The following TENM1 variants were observed in gnomAD, a reference collection of about 807,000 sequenced individuals.
TENM1 encodes the protein teneurin transmembrane protein 1.
In TENM1, 35 loss-of-function variants were observed where a neutral mutation model predicts 174.8. The observed-to-expected ratio is 0.20, with a 90% CI of 0.15 to 0.27. The LOEUF is 0.27. Among genes scored for constraint, TENM1 ranks in the 10% least tolerant of loss-of-function variants. The probability of loss-of-function intolerance (pLI) is 1.00; values close to 1 mark genes in which losing one functional copy is unlikely to be tolerated. For missense variants in TENM1, 1,633 were observed against 2,130.1 expected (o/e 0.77, Z 4.59); for synonymous variants, 781 against 798.7 (o/e 0.98, Z 0.37).
chrX:124,687,752 A>G (rs1391905640), intron 5 of TENM1, among the ~76,000 whole-genome samples: 1 of 112,197 alleles, frequency 8.9e-6, no homozygotes, highest in Non-Finnish European at 1.9e-5. Flanking sequence ...AACCCCACCA[A>G]AAAGTGGGCA....
intron 1 of TENM1, among the ~76,000 whole-genome samples, chrX:124,943,809 T>G (rs1186265643): frequency 8.9e-6 from 1 of 111,960 alleles, no homozygotes; most frequent in Non-Finnish European, 1.9e-5. Context: ...CATGAATTGT[T>G]TACTTTTATT....
At chrX:124,535,574 TA>T (rs1311677228) in intron 15 of TENM1, among the ~76,000 whole-genome samples, 10 of 111,855 alleles carry the variant, frequency 8.9e-5, no homozygotes, top group African/African-American at 3.2e-4. Flanking sequence ...TTGTCCCAAA[TA>T]AGTGTCCATT....
chrX:124,588,915 G>T (rs1312995598), intron 11 of TENM1, among the ~76,000 whole-genome samples: 1 of 110,142 alleles, frequency 9.1e-6, no homozygotes, highest in East Asian at 2.9e-4. Context: ...AATTGCTGTG[G>T]CTAGCACTTA....
At chrX:124,494,382 T>C (rs2047139555) in intron 20 of TENM1, among the ~76,000 whole-genome samples, 1 of 111,657 alleles carries the variant, frequency 9.0e-6, no homozygotes, top group African/African-American at 3.3e-5. Flanking sequence ...TCCAGAGGCA[T>C]GTGTCAGGAA....
chrX:125,007,298 T>C, the TENM1 span, among the ~76,000 whole-genome samples: 8 of 108,542 alleles, frequency 7.4e-5, no homozygotes, highest in African/African-American at 2.7e-4. Context: ...ACTATCTTGC[T>C]GAAATAAGGC....
chrX:125,036,209 T>C, the TENM1 span, among the ~76,000 whole-genome samples: 149 of 112,035 alleles, frequency 1.3e-3, no homozygotes, highest in Non-Finnish European at 1.9e-3. Context: ...TATTTCTACC[T>C]GATTTCTCTT....
chrX:124,422,454 G>C, exon 24 of TENM1: 2 of 1,211,214 alleles, frequency 1.7e-6, no homozygotes, highest in Non-Finnish European at 2.2e-6. Flanking sequence ...CTCTAGAGTG[G>C]AGTGAATTGC....
the TENM1 span, among the ~76,000 whole-genome samples, chrX:125,172,291 T>C: frequency 1.8e-5 from 2 of 109,026 alleles, no homozygotes; most frequent in Admixed American, 2.0e-4. Context: ...TTCTAGAGCA[T>C]GCAATGAAAC....
chrX:124,687,167 C>T (rs1387157973), intron 5 of TENM1, among the ~76,000 whole-genome samples: 2 of 111,281 alleles, frequency 1.8e-5, no homozygotes, highest in African/African-American at 3.3e-5. Context: ...AAAAGAACAA[C>T]GCTGGAGGCA....
chrX:124,645,988 G>A (rs1052411124), intron 9 of TENM1, among the ~76,000 whole-genome samples: 11 of 111,542 alleles, frequency 9.9e-5, no homozygotes, highest in African/African-American at 3.3e-4. Context: ...TTTAGAATTC[G>A]CTACTGAATG....
At chrX:124,740,135 C>T (rs936544158) in intron 3 of TENM1, among the ~76,000 whole-genome samples, 8 of 111,227 alleles carry the variant, frequency 7.2e-5, no homozygotes, top group South Asian at 3.9e-4. Context: ...CTTAATGACC[C>T]GAGGGAAGGG....
the TENM1 span, among the ~76,000 whole-genome samples, chrX:125,049,023 G>A: frequency 8.9e-6 from 1 of 111,881 alleles, no homozygotes; most frequent in Non-Finnish European, 1.9e-5. Context: ...AAGCTGCCAA[G>A]TGCAATGCCT....
At chrX:124,648,201 T>G (rs1015369143) in intron 8 of TENM1, among the ~76,000 whole-genome samples, 1 of 112,046 alleles carries the variant, frequency 8.9e-6, no homozygotes, top group Non-Finnish European at 1.9e-5. Flanking sequence ...ATGCTTTAAA[T>G]AGTAACCTTC....
At position 124,562,008 on chromosome X, in the gene TENM1, T is replaced by C. The variant is rs776807070; in HGVS notation, c.2288-191A>G. Among the ~76,000 whole-genome samples, 59 of 112,053 alleles carry C rather than the reference T, an allele frequency of 5.3e-4. No individual in the cohort carries two copies. The Middle Eastern group carries it at 0.014, about 26-fold the overall frequency. ...CTTGTTATCCCTTACTCTGCAGTGG[T>C]TTTCCTTAGAGAGCCAATTAAGCTT... is the stretch of plus-strand genomic sequence containing the variant. On this transcript the variant is annotated intron_variant, in intron 13 of 31. Transcript: ENST00000422452.
At chrX:124,532,044 T>C (rs1186331791) in intron 15 of TENM1, among the ~76,000 whole-genome samples, 4 of 111,477 alleles carry the variant, frequency 3.6e-5, no homozygotes, top group Non-Finnish European at 5.7e-5. Flanking sequence ...AGAAATTAGT[T>C]AAGCATTGTT....
At chrX:124,726,588 G>A (rs1404918135) in intron 4 of TENM1, among the ~76,000 whole-genome samples, 2 of 111,925 alleles carry the variant, frequency 1.8e-5, no homozygotes, top group Non-Finnish European at 3.8e-5. Context: ...GCTGAAGATA[G>A]ATTTTTGCTA....
chrX:125,183,389 C>T, the TENM1 span, among the ~76,000 whole-genome samples: 3 of 111,281 alleles, frequency 2.7e-5, no homozygotes, highest in African/African-American at 9.8e-5. Flanking sequence ...CTGTCTTGTG[C>T]CCAAGTTGTT....
At chrX:124,810,992 C>T (rs746934035) in intron 3 of TENM1, among the ~76,000 whole-genome samples, 14 of 111,383 alleles carry the variant, frequency 1.3e-4, no homozygotes, top group African/African-American at 4.6e-4. Context: ...CTGGTATCCA[C>T]ATGCAGAGGA....
At chrX:124,456,090 C>T (rs953574243) in intron 22 of TENM1, among the ~76,000 whole-genome samples, 6 of 111,911 alleles carry the variant, frequency 5.4e-5, no homozygotes, top group Admixed American at 3.8e-4. Flanking sequence ...TGTCTCTGTT[C>T]ATGTCAGCTG....
Sources: gnomAD v4.1 joint callset for allele counts (sites outside exome capture counted in the v4.1 genomes callset) on GRCh38, gnomAD v4.1.1 for gene constraint, MANE v1.5 for transcripts, NCBI Gene and HGNC (gene_info 2026-07-23, HGNC 2026-07-21) for gene names.